GTF2A1L: variants seen among roughly 807,000 people sequenced by gnomAD.
The protein encoded by GTF2A1L is general transcription factor IIA subunit 1 like.
In GTF2A1L, 48 loss-of-function variants were observed where a neutral mutation model predicts 49.7. The observed-to-expected ratio is 0.97, with a 90% CI of 0.77 to 1.23. The LOEUF (loss-of-function observed/expected upper bound fraction) is 1.23. Among genes scored for constraint, GTF2A1L ranks in the 50% most tolerant of loss-of-function variants. GTF2A1L has a pLI of 0.00. For synonymous variants in GTF2A1L, 246 were observed against 193.5 expected (o/e 1.27, Z -2.25); for missense variants, 736 against 564.8 (o/e 1.30, Z -3.07).
intron 6 of GTF2A1L, among the ~76,000 whole-genome samples, chr2:48,659,282 C>G (rs1678359901): frequency 6.6e-6 from 1 of 152,034 alleles, no homozygotes; most frequent in African/African-American, 2.4e-5. Context: ...AATATGTTTT[C>G]TAGGTTGTTT....
chr2:48,667,269 T>G (rs1374674891), intron 6 of GTF2A1L, among the ~76,000 whole-genome samples: 1 of 152,176 alleles, frequency 6.6e-6, no homozygotes, highest in Non-Finnish European at 1.5e-5. Flanking sequence ...TCATTAATTT[T>G]GATTGAATGT....
chr2:48,672,840 A>G (rs1023632370), intron 8 of GTF2A1L, among the ~76,000 whole-genome samples: 11 of 152,212 alleles, frequency 7.2e-5, no homozygotes, highest in Non-Finnish European at 1.6e-4. Flanking sequence ...TATTTAGTGT[A>G]TTCATAGATA....
intron 4 of GTF2A1L, 24 bp from the exon 5 acceptor site, chr2:48,645,009 C>G: frequency 1.3e-6 from 2 of 1,577,652 alleles, no homozygotes; most frequent in Non-Finnish European, 1.7e-6. Context: ...TTCTAACTTT[C>G]TAATATAAAT....
chr2:48,650,118 T>C (rs1310201473), intron 6 of GTF2A1L, among the ~76,000 whole-genome samples: 2 of 152,230 alleles, frequency 1.3e-5, no homozygotes, highest in African/African-American at 4.8e-5. Flanking sequence ...TGTCATAATG[T>C]AGTTCAAAGA....
At chr2:48,647,127 G>T in intron 6 of GTF2A1L, 85 bp downstream of exon 6, 1 of 1,195,948 alleles carries the variant, frequency 8.4e-7, no homozygotes, top group Non-Finnish European at 1.1e-6. Context: ...AAGCTGTAAT[G>T]TTAATCAGAA....
At chr2:48,664,691 C>G in intron 6 of GTF2A1L, among the ~76,000 whole-genome samples, 1 of 152,150 alleles carries the variant, frequency 6.6e-6, no homozygotes, top group East Asian at 1.9e-4. Flanking sequence ...ACTGATACGT[C>G]TCTTTAGGTT....
intron 4 of GTF2A1L, among the ~76,000 whole-genome samples, chr2:48,643,189 T>C (rs1677298486): frequency 6.6e-6 from 1 of 152,226 alleles, no homozygotes; most frequent in Non-Finnish European, 1.5e-5. Context: ...ATTTTTGTCA[T>C]TTTGTACCTT....
chr2:48,664,792 A>G (rs1044595432), intron 6 of GTF2A1L, among the ~76,000 whole-genome samples: 19 of 152,170 alleles, frequency 1.2e-4, no homozygotes, highest in African/African-American at 4.6e-4. Context: ...AGTTGATAAT[A>G]TATTATTTTA....
intron 6 of GTF2A1L, among the ~76,000 whole-genome samples, chr2:48,655,198 A>G (rs536258809): frequency 2.0e-5 from 3 of 151,772 alleles, no homozygotes; most frequent in East Asian, 1.9e-4. Context: ...GCATATACAT[A>G]TTATACATAT....
chr2:48,672,780 A>G (rs536056573), intron 8 of GTF2A1L, among the ~76,000 whole-genome samples: 1 of 152,230 alleles, frequency 6.6e-6, no homozygotes, highest in Non-Finnish European at 1.5e-5. Context: ...TTTGAGATAT[A>G]ATGAACATAG....
At chr2:48,667,213 T>A (rs1403557348) in intron 6 of GTF2A1L, among the ~76,000 whole-genome samples, 1 of 151,824 alleles carries the variant, frequency 6.6e-6, no homozygotes, top group Non-Finnish European at 1.5e-5. Flanking sequence ...CCAGCTTCAG[T>A]GTCCCAAAGT....
At chr2:48,668,639 G>A (rs1019215235) in intron 6 of GTF2A1L, 1 of 152,104 alleles carries the variant, frequency 6.6e-6, no homozygotes, top group African/African-American at 2.4e-5. Flanking sequence ...ACATCATCCT[G>A]GCTAACACGG....
In GTF2A1L at chr2:48,620,918, G is replaced by C. The variant is rs200375482; in HGVS notation, c.89G>C (p.Gly30Ala). 6.8e-6 allele frequency: 11 copies of C among 1,607,456 alleles called. No homozygotes were observed. The highest frequency in any genetic ancestry group is 8.5e-6 in the Non-Finnish European group (10 of 1,177,322). Residue 30 changes from glycine (G) to alanine (A), a missense_variant, in exon 2 of 9, where the codon GGT becomes GCT. Gly to Ala is a moderately conservative substitution (Grantham distance 60). Transcript: ENST00000403751. Reference protein sequence around the residue: ...EGVRNLFAEEGIEEQVLKDLK... With the variant: ...EGVRNLFAEEAIEEQVLKDLK... Reference sequence around the variant, plus strand: ...GTTCGGAATCTATTTGCTGAAGAAGGTATAGAGGAACAAGTTTTAAAAGAC... The same window carrying C: ...GTTCGGAATCTATTTGCTGAAGAAGCTATAGAGGAACAAGTTTTAAAAGAC...
rs1054812154 is a variant in GTF2A1L at position 48,621,523 on chromosome 2, A to G, written c.247+233A>G. On this transcript the variant is annotated intron_variant, in intron 3 of 8. Coordinates refer to ENST00000403751, the MANE Select transcript of GTF2A1L (RefSeq NM_006872.5). ...ATATTAAATTTTACAAAGATGATAA[A>G]GCCTTTCTTTAGAGGAAAGTCACAT... Among the ~76,000 whole-genome samples, 7 of 152,360 alleles carry G rather than the reference A, an allele frequency of 4.6e-5. 1 individual carries two copies. The South Asian group carries it at 1.4e-3, about 32-fold the overall frequency.
chr2:48,661,092 T>G (rs1678467542), intron 6 of GTF2A1L, among the ~76,000 whole-genome samples: 1 of 151,952 alleles, frequency 6.6e-6, no homozygotes, highest in South Asian at 2.1e-4. Context: ...TTCTCTAACA[T>G]TATTATTTAT....
chr2:48,668,059 C>A (rs940776216), intron 6 of GTF2A1L, among the ~76,000 whole-genome samples: 3 of 152,196 alleles, frequency 2.0e-5, no homozygotes, highest in African/African-American at 7.2e-5. Flanking sequence ...TCATTCCCCT[C>A]TTCATAGCCC....
At chr2:48,668,962 A>G (rs1558768678) in intron 6 of GTF2A1L, among the ~76,000 whole-genome samples, 1 of 152,190 alleles carries the variant, frequency 6.6e-6, no homozygotes, top group South Asian at 2.1e-4. Flanking sequence ...ATAACCATCT[A>G]CGTGACCAGA....
chr2:48,631,971 A>G (rs1001325463), intron 3 of GTF2A1L, among the ~76,000 whole-genome samples: 3 of 152,192 alleles, frequency 2.0e-5, no homozygotes, highest in Admixed American at 1.3e-4. Flanking sequence ...GTGATTTGGA[A>G]AAATCTTGGT....
chr2:48,618,251 A>G (rs982100305), intron 1 of GTF2A1L: 5 of 273,506 alleles, frequency 1.8e-5, no homozygotes, highest in South Asian at 1.9e-4. Context: ...TACCGTGGAC[A>G]TTGTTAATTC....
Sources: gnomAD v4.1 joint callset for allele counts (sites outside exome capture counted in the v4.1 genomes callset) on GRCh38, gnomAD v4.1.1 for gene constraint, MANE v1.5 for transcripts, NCBI Gene and HGNC (gene_info 2026-07-23, HGNC 2026-07-21) for gene names.